The following HMCN1 variants were observed in gnomAD, a reference collection of about 807,000 sequenced individuals.
HMCN1 encodes the protein hemicentin-1.
In HMCN1, 321 loss-of-function variants were observed where a neutral mutation model predicts 625.9. The ratio of observed to expected loss-of-function variants is 0.51; its 90% CI spans 0.47 to 0.56. The LOEUF is 0.56. Ranked by LOEUF, HMCN1 falls within the 20% of genes least tolerant of loss-of-function variation. The pLI, the probability that HMCN1 is intolerant of heterozygous loss-of-function variation, is 0.00. For missense variants in HMCN1, 6,588 were observed against 6,887.3 expected, an observed-to-expected ratio of 0.96 and a Z score of 1.54; for synonymous variants, 2,425 against 2,417.6, an observed-to-expected ratio of 1.00 and a Z score of -0.09.
intron 40 of HMCN1, among the ~76,000 whole-genome samples, chr1:186,043,604 T>C (rs1001246746): frequency 5.3e-5 from 8 of 152,214 alleles, no homozygotes; most frequent in African/African-American, 1.9e-4. Context: ...TGCTCTTTTG[T>C]AGATTCTACA....
chr1:185,860,031 T>C (rs1662766355), intron 2 of HMCN1, among the ~76,000 whole-genome samples: 1 of 152,052 alleles, frequency 6.6e-6, no homozygotes, highest in Non-Finnish European at 1.5e-5. Flanking sequence ...AACTGAAATA[T>C]CAGATAGAGA....
rs560724771 is a variant in HMCN1, at chr1:186,089,892, A to T, written c.9728-866A>T. ...TTAGATTTATAGAGCTTATTCAGTG[A>T]TGTGCTGGTAAATGTTTAAGAATTT... On this transcript the variant is annotated intron_variant, in intron 63 of 106. Transcript: ENST00000271588. Among the ~76,000 whole-genome samples the T allele has an allele frequency of 3.9e-5, 6 of 152,068 alleles. No individual in the cohort carries two copies. The South Asian group carries it at 1.2e-3, about 31-fold the overall frequency.
chr1:185,965,816 A>G lies in HMCN1; in HGVS notation c.2113A>G (p.Met705Val). ...TLRYIEAPKL[M>V]VVQSELLVAL... ...GTTTTTTTCAGAAGCCCCTAAGTTG[A>G]TGGTAGTTCAGAGTGAGCTCTTGGT... Residue 705 changes from methionine (M) to valine (V), a missense_variant, in exon 14 of 107, where the codon ATG becomes GTG. This residue lies in a region of HMCN1 where 4,628 missense variants were observed against 4,853.1 expected (regional missense o/e 0.95). Coordinates refer to ENST00000271588, the MANE Select transcript of HMCN1 (RefSeq NM_031935.3). 1 of 1,607,982 alleles carries G rather than the reference A, an allele frequency of 6.2e-7. No individual in the cohort carries two copies. The highest frequency in any genetic ancestry group is 8.5e-7 in the Non-Finnish European group (1 of 1,174,618).
chr1:186,042,164 C>T (rs1312206366), intron 40 of HMCN1, among the ~76,000 whole-genome samples: 1 of 152,100 alleles, frequency 6.6e-6, no homozygotes, highest in Middle Eastern at 3.2e-3. Context: ...TTTTCTGTTG[C>T]TCCTGCAATT....
At chr1:186,095,628 A>T (rs1022671) in intron 68 of HMCN1, 107 bp downstream of exon 68, 613,573 of 1,172,106 alleles carry the variant, frequency 0.52, 168,856 homozygotes, top group African/African-American at 0.87. Flanking sequence ...AGAATTTTTT[A>T]AAAAATTTTT....
chr1:186,053,226 C>T (rs1226527119), intron 43 of HMCN1, 152 bp downstream of exon 43: 4 of 686,310 alleles, frequency 5.8e-6, no homozygotes, highest in Admixed American at 2.6e-5. Flanking sequence ...AAATGTGCAA[C>T]ATGTGATACT....
chr1:185,785,060 A>C (rs1253289142), intron 1 of HMCN1, among the ~76,000 whole-genome samples: 1 of 151,512 alleles, frequency 6.6e-6, no homozygotes, highest in Non-Finnish European at 1.5e-5. Context: ...AATATACCAT[A>C]GCTTGTTTAT....
intron 1 of HMCN1, among the ~76,000 whole-genome samples, chr1:185,834,723 G>A (rs1024922934): frequency 6.6e-6 from 1 of 152,168 alleles, no homozygotes; most frequent in Non-Finnish European, 1.5e-5. Context: ...ATACCAGGAT[G>A]TGGGGATAAT....
chr1:186,030,475 T>C (rs1655350882), intron 36 of HMCN1, among the ~76,000 whole-genome samples: 1 of 152,082 alleles, frequency 6.6e-6, no homozygotes, highest in South Asian at 2.1e-4. Context: ...TCTTGAAGTC[T>C]ATTTTTTGTG....
chr1:186,171,086 T>C (rs1482554525), intron 100 of HMCN1, among the ~76,000 whole-genome samples: 1 of 152,184 alleles, frequency 6.6e-6, no homozygotes, highest in African/African-American at 2.4e-5. Flanking sequence ...ATACTTAAAG[T>C]AGAAGAGTGT....
chr1:185,810,765 TA>T (rs1659467289), intron 1 of HMCN1, among the ~76,000 whole-genome samples: 1 of 151,522 alleles, frequency 6.6e-6, no homozygotes, highest in South Asian at 2.1e-4. Context: ...GCCTGGAAAA[TA>T]AAAGTTGTAT....
chr1:185,892,770 C>G (rs1233028449), intron 4 of HMCN1, among the ~76,000 whole-genome samples: 1 of 152,176 alleles, frequency 6.6e-6, no homozygotes, highest in Non-Finnish European at 1.5e-5. Flanking sequence ...TTTTGTTTGT[C>G]TGTGCCCTGC....
rs764096060 is a variant in HMCN1, at chr1:186,093,113, C to T, written c.9888-21C>T. ...TAGATTCAATCTCATCTCAGCCCCT[C>T]TGTTATGATCTTTTCCGTAGAGTGA... On this transcript the variant is annotated intron_variant, in intron 64 of 106. Coordinates refer to ENST00000271588, the MANE Select transcript of HMCN1 (RefSeq NM_031935.3). 5.0e-6 allele frequency: 8 copies of T among 1,613,008 alleles called. No individual in the cohort carries two copies. In the Middle Eastern group the frequency reaches 9.9e-4, roughly 200 times the overall value.
intron 41 of HMCN1, among the ~76,000 whole-genome samples, chr1:186,048,208 T>C (rs1194692578): frequency 1.3e-5 from 2 of 152,130 alleles, no homozygotes; most frequent in African/African-American, 4.8e-5. Context: ...TCAGCATTGA[T>C]GCAAGTTGTA....
chr1:185,904,344 C>A (rs1316275565), intron 4 of HMCN1, among the ~76,000 whole-genome samples: 1 of 151,732 alleles, frequency 6.6e-6, no homozygotes, highest in Non-Finnish European at 1.5e-5. Context: ...GGGTTTACTA[C>A]AAAATGATTG....
chr1:185,738,485 T>G (rs1265864644), intron 1 of HMCN1, among the ~76,000 whole-genome samples: 1 of 152,236 alleles, frequency 6.6e-6, no homozygotes, highest in Non-Finnish European at 1.5e-5. Context: ...TAGCATGTAT[T>G]AGTACTTCAT....
In HMCN1 at chr1:186,122,990, T is replaced by C; in HGVS notation, c.12269T>C (p.Ile4090Thr). 6.2e-7 allele frequency: 1 copy of C among 1,614,130 alleles called. No homozygotes were observed. Among genetic ancestry groups the C allele is most frequent in the South Asian group, 1.1e-5 (1 of 91,086 alleles). Reference protein sequence around the residue: ...VISPHLKEYVIAVDKPITLSC... With the variant: ...VISPHLKEYVTAVDKPITLSC... ...AGCCCTCATCTAAAGGAATATGTTATTGCTGTGGACAAGCCCATCACGTTA... is the reference window on the plus strand; with the variant it reads ...AGCCCTCATCTAAAGGAATATGTTACTGCTGTGGACAAGCCCATCACGTTA... Residue 4090 changes from isoleucine (I) to threonine (T), a missense_variant, in exon 81 of 107, where the codon ATT (isoleucine) becomes ACT (threonine). This residue lies in a region of HMCN1 where 1,954 missense variants were observed against 2,013.1 expected (regional missense o/e 0.97). Coordinates refer to ENST00000271588, the MANE Select transcript of HMCN1 (RefSeq NM_031935.3).
chr1:185,839,000 G>C (rs1318439085), intron 1 of HMCN1, among the ~76,000 whole-genome samples: 1 of 152,108 alleles, frequency 6.6e-6, no homozygotes, highest in Non-Finnish European at 1.5e-5. Context: ...CATAAATATG[G>C]TTTTGTTTTC....
At chr1:185,851,956 T>A (rs1662188667) in intron 2 of HMCN1, among the ~76,000 whole-genome samples, 1 of 152,044 alleles carries the variant, frequency 6.6e-6, no homozygotes, top group South Asian at 2.1e-4. Flanking sequence ...TAAAGTCTTT[T>A]AATAAAATTG....
Sources: allele counts gnomAD v4.1 joint callset (sites outside exome capture counted in the v4.1 genomes callset), GRCh38; gene constraint gnomAD v4.1.1; regional missense constraint gnomAD v4.1.1; transcripts MANE v1.5; gene names NCBI Gene and HGNC (gene_info 2026-07-23, HGNC 2026-07-21).